ST18: variants seen among roughly 807,000 people sequenced by gnomAD.
The protein encoded by ST18 is ST18 C2H2C-type zinc finger transcription factor, also known as suppression of tumorigenicity 18 protein.
Under a neutral mutation model 110.0 loss-of-function variants are expected in ST18, and 50 were observed. The observed-to-expected ratio is 0.45, with a 90% CI of 0.36 to 0.58. The LOEUF (loss-of-function observed/expected upper bound fraction) is 0.58. ST18 is among the 20% of genes least tolerant of loss of function. ST18 has a pLI of 0.00. For missense variants in ST18, 1,306 were observed against 1,280.1 expected, an observed-to-expected ratio of 1.02 and a Z score of -0.31; for synonymous variants, 461 against 452.4, an observed-to-expected ratio of 1.02 and a Z score of -0.24.
intron 2 of ST18, among the ~76,000 whole-genome samples, chr8:52,358,006 C>T (rs1229161596): frequency 6.6e-6 from 1 of 151,528 alleles, no homozygotes; most frequent in African/African-American, 2.4e-5. Context: ...AAAGTATTTT[C>T]TCTAACCACA....
At chr8:52,192,325 A>G (rs2074796010) in intron 8 of ST18, among the ~76,000 whole-genome samples, 1 of 152,198 alleles carries the variant, frequency 6.6e-6, no homozygotes, top group Admixed American at 6.5e-5. Context: ...CTGGGCATGG[A>G]TTTGCCTTCT....
At chr8:52,369,535 T>G (rs1367102536) in intron 2 of ST18, among the ~76,000 whole-genome samples, 1 of 152,152 alleles carries the variant, frequency 6.6e-6, no homozygotes, top group Admixed American at 6.5e-5. Flanking sequence ...GCCCAGACAG[T>G]TAAATGAGAG....
At chr8:52,127,134 G>T (rs1167075531) in intron 22 of ST18, among the ~76,000 whole-genome samples, 1 of 152,092 alleles carries the variant, frequency 6.6e-6, no homozygotes, top group East Asian at 1.9e-4. Flanking sequence ...ATTTGGCAGG[G>T]TGAAAGAAAA....
intron 3 of ST18, among the ~76,000 whole-genome samples, chr8:52,222,834 G>T (rs2087460522): frequency 1.3e-5 from 2 of 152,182 alleles, no homozygotes; most frequent in Non-Finnish European, 2.9e-5. Flanking sequence ...AAATATTCAT[G>T]CAGTATACAC....
intron 2 of ST18, among the ~76,000 whole-genome samples, chr8:52,366,990 T>TG (rs1828220479): frequency 2.0e-5 from 3 of 152,084 alleles, no homozygotes; most frequent in Admixed American, 6.6e-5. Context: ...CCCAGGACTT[T>TG]GGGGGGCTGA....
intron 8 of ST18, among the ~76,000 whole-genome samples, chr8:52,211,254 T>C (rs981014064): frequency 1.3e-5 from 2 of 152,064 alleles, no homozygotes; most frequent in Non-Finnish European, 2.9e-5. Flanking sequence ...TTTCACAATA[T>C]TGCCTGAGGT....
chr8:52,172,889 A>G (rs2065501330), intron 9 of ST18, among the ~76,000 whole-genome samples: 1 of 152,212 alleles, frequency 6.6e-6, no homozygotes, highest in South Asian at 2.1e-4. Context: ...TGGGGTATTG[A>G]CCAAGACAAG....
intron 2 of ST18, chr8:52,404,864 T>C (rs755163621): frequency 5.3e-5 from 8 of 152,218 alleles, no homozygotes; most frequent in Non-Finnish European, 7.3e-5. Context: ...TTTTTCCAGA[T>C]GCTTCCAAGT....
chr8:52,276,164 T>C (rs374500065), intron 2 of ST18, among the ~76,000 whole-genome samples: 1 of 81,390 alleles, frequency 1.2e-5, no homozygotes, highest in Non-Finnish European at 2.5e-5. Context: ...GCACCACACA[T>C]ACCATATACC....
intron 2 of ST18, among the ~76,000 whole-genome samples, chr8:52,276,270 G>A (rs1325245475): frequency 1.4e-4 from 5 of 36,316 alleles, no homozygotes; most frequent in East Asian, 1.7e-3. Context: ...CACACACCAC[G>A]TACCACATAC....
intron 2 of ST18, among the ~76,000 whole-genome samples, chr8:52,251,670 A>G (rs909713346): frequency 6.6e-6 from 1 of 152,052 alleles, no homozygotes; most frequent in Admixed American, 6.6e-5. Context: ...GTTTTCACCT[A>G]TATGCATTAT....
chr8:52,274,517 T>TACA (rs1228965283), intron 2 of ST18, among the ~76,000 whole-genome samples: 1 of 152,084 alleles, frequency 6.6e-6, no homozygotes, highest in African/African-American at 2.4e-5. Context: ...GATGTTTCAG[T>TACA]GGCAAGTTTC....
rs779980589 is a variant in ST18, at chr8:52,142,982, G to A, written c.2116C>T (p.Pro706Ser). The change falls in exon 17 of 26, where the codon CCA (proline) becomes TCA (serine). Residue 706 changes from proline to serine, a missense_variant. Coordinates refer to ENST00000689386, the MANE Select transcript of ST18 (RefSeq NM_001352837.2). ...EKKFPGEASI[P>S]SPKPKLHARD... Reference sequence around the variant, plus strand: ...GCATGAAGCTTGGGTTTAGGGCTTGGTATAGAGGCCTCTCCAGGAAACTTT... The same window carrying A: ...GCATGAAGCTTGGGTTTAGGGCTTGATATAGAGGCCTCTCCAGGAAACTTT... 2.5e-6 allele frequency: 4 copies of A among 1,614,086 alleles called. No homozygotes were observed. The highest frequency in any genetic ancestry group is 2.5e-6 in the Non-Finnish European group (3 of 1,179,984).
rs1055837460 is a variant in ST18, at chr8:52,159,089, C to A, written c.1615G>T (p.Val539Leu). 1.9e-6 allele frequency: 3 copies of A among 1,613,888 alleles called. No homozygotes were observed. The highest frequency in any genetic ancestry group is 2.7e-5 in the African/African-American group (2 of 74,936). ...CTAGGCAGTCGATTAGGAAATTTCA[C>A]TGGATTTGGAAAATGCTTTGCTGTT... ...FPESKHFPNPVKFPNRLPSAG... is the reference protein window; with the variant it reads ...FPESKHFPNPLKFPNRLPSAG... Residue 539 changes from valine (V) to leucine (L), a missense_variant, in exon 15 of 26, where the codon GTG becomes TTG. Physicochemically the swap from Val to Leu is conservative, Grantham distance 32. Transcript: ENST00000689386.
intron 6 of ST18, among the ~76,000 whole-genome samples, chr8:52,216,274 C>T (rs2084174218): frequency 1.3e-5 from 2 of 152,178 alleles, no homozygotes; most frequent in African/African-American, 2.4e-5. Context: ...GGCAGCCGCT[C>T]CCTACTAAAG....
In ST18 at chr8:52,149,790, C is replaced by T. The variant is rs752691044; in HGVS notation, c.1994G>A (p.Gly665Asp). Reference sequence around the variant, plus strand: ...GCTATAGTTGATAGGAGTGTCCCAGCCCTCTTGGTCACAAAGAGCCTGATA... The same window carrying T: ...GCTATAGTTGATAGGAGTGTCCCAGTCCTCTTGGTCACAAAGAGCCTGATA... ...AFYQALCDQE[G>D]WDTPINYSKT... is the part of the protein sequence containing the mutation. Residue 665 changes from glycine to aspartate, a missense_variant, in exon 16 of 26, where the codon GGC becomes GAC. By Grantham distance (94) the Gly-to-Asp change is moderately conservative. Transcript: ENST00000689386. The T allele has an allele frequency of 6.8e-6, 11 of 1,614,050 alleles. No individual in the cohort carries two copies. In the Admixed American group the frequency reaches 1.8e-4, roughly 27 times the overall value.
chr8:52,172,112 C>T lies in ST18; in HGVS notation c.749G>A (p.Cys250Tyr), dbSNP rs887154606. 1 of 1,614,136 alleles carries T rather than the reference C, an allele frequency of 6.2e-7. No individual in the cohort carries two copies. Among genetic ancestry groups the T allele is most frequent in the Admixed American group, 1.7e-5 (1 of 60,006 alleles). ...GDKFIPCENR[C>Y]DSETERKDPQ... ...GTCTTTCCTTTCTGTTTCAGAATCA[C>T]ACCTGTTCTCACAAGGGATAAATTT... Residue 250 changes from cysteine to tyrosine, a missense_variant, in exon 10 of 26, where the codon TGT becomes TAT. By Grantham distance (194) the Cys-to-Tyr change is radical. Coordinates refer to ENST00000689386, the MANE Select transcript of ST18 (RefSeq NM_001352837.2).
chr8:52,231,170 C>T (rs1449240636), intron 2 of ST18, among the ~76,000 whole-genome samples: 1 of 152,136 alleles, frequency 6.6e-6, no homozygotes, highest in African/African-American at 2.4e-5. Context: ...CATATATATA[C>T]AATTTATTAC....
intron 2 of ST18, among the ~76,000 whole-genome samples, chr8:52,356,988 T>C (rs2140385029): frequency 6.6e-6 from 1 of 152,298 alleles, no homozygotes; most frequent in African/African-American, 2.4e-5. Context: ...ACCTGGGTGA[T>C]GAAATAATCT....
Sources: allele counts gnomAD v4.1 joint callset (sites outside exome capture counted in the v4.1 genomes callset), GRCh38; gene constraint gnomAD v4.1.1; transcripts MANE v1.5; gene names NCBI Gene and HGNC (gene_info 2026-07-23, HGNC 2026-07-21).